Variants in MDGA1 observed in about 807,000 individuals in gnomAD.
MDGA1 encodes the protein MAM domain containing glycosylphosphatidylinositol anchor 1, also known as MAM domain-containing glycosylphosphatidylinositol anchor protein 1.
MDGA1 carries 54 observed loss-of-function variants against 101.5 expected under a neutral mutation model. The ratio of observed to expected loss-of-function variants is 0.53; its 90% CI spans 0.43 to 0.67. MDGA1 has a LOEUF of 0.67. Ranked by LOEUF, MDGA1 falls within the 30% of genes least tolerant of loss-of-function variation. The pLI, the probability that MDGA1 is intolerant of heterozygous loss-of-function variation, is 0.00. For synonymous variants in MDGA1, 533 were observed against 558.3 expected, an observed-to-expected ratio of 0.95 and a Z score of 0.64; for missense variants, 1,083 against 1,323.8, an observed-to-expected ratio of 0.82 and a Z score of 2.82.
At chr6:37,666,508 T>C (rs1761757712) in intron 1 of MDGA1, among the ~76,000 whole-genome samples, 1 of 152,152 alleles carries the variant, frequency 6.6e-6, no homozygotes, top group Non-Finnish European at 1.5e-5. Flanking sequence ...AAACGTCCCA[T>C]CAGTGACAGG....
rs943014802 is a variant in MDGA1, at chr6:37,658,371, T to C, written c.256A>G (p.Thr86Ala). ...AGSASDKFQE[T>A]SVFNETLRIE... is the part of the protein sequence containing the mutation. ...CGCAGCGTCTCGTTGAACACCGATG[T>C]CTCCTGGAACTTGTCCGAGGCGCTA... The change falls in exon 3 of 17, where the codon ACA becomes GCA. Residue 86 changes from threonine (T) to alanine (A), a missense_variant. By Grantham distance (58) the Thr-to-Ala change is moderately conservative. Transcript: ENST00000434837. 1.9e-6 allele frequency: 3 copies of C among 1,612,762 alleles called. No individual in the cohort carries two copies. Among genetic ancestry groups the C allele is most frequent in the African/African-American group, 2.7e-5 (2 of 74,928 alleles).
intron 1 of MDGA1, among the ~76,000 whole-genome samples, chr6:37,676,338 C>T (rs1053634013): frequency 3.9e-5 from 6 of 152,178 alleles, no homozygotes; most frequent in Admixed American, 2.0e-4. Context: ...AAGCAAGGAG[C>T]CCCCAAAGCA....
At chr6:37,661,960 G>A (rs190746698) in intron 2 of MDGA1, among the ~76,000 whole-genome samples, 13 of 150,456 alleles carry the variant, frequency 8.6e-5, no homozygotes, top group African/African-American at 3.2e-4. Context: ...GTCAAGACCA[G>A]CATAGGCAAC....
Position 37,652,141 on chromosome 6 carries a change from G to C in MDGA1, c.1182C>G (p.Pro394=), listed in dbSNP as rs375183901. The change falls in exon 7 of 17, where the codon CCC becomes CCG. Residue 394 remains proline (P), a synonymous_variant. Coordinates refer to ENST00000434837, the MANE Select transcript of MDGA1 (RefSeq NM_153487.4). The surrounding 1 kb of genome is among the most constrained non-coding windows in gnomAD (Gnocchi z 4.3). The stretch of plus-strand genomic sequence containing the variant: ...TGAGCTCTAGGCTGCTGGTGACTGC[G>C]GGCAGCTCAGGATCATTGCGGGTCA... ...LLVTRNDPEL[P]AVTSSLELID... is the part of the protein sequence containing the mutation. The C allele has an allele frequency of 1.9e-6, 3 of 1,613,876 alleles. No homozygotes were observed. Among genetic ancestry groups the C allele is most frequent in the Non-Finnish European group, 2.5e-6 (3 of 1,179,850 alleles).
chr6:37,668,927 A>C (rs2114064111), intron 1 of MDGA1, among the ~76,000 whole-genome samples: 1 of 152,178 alleles, frequency 6.6e-6, no homozygotes, highest in Middle Eastern at 3.4e-3. Context: ...AGTTCACTGC[A>C]ACCTCTGCCT....
chr6:37,681,231 C>T lies in MDGA1; in HGVS notation c.67+15514G>A, dbSNP rs187753235. ...GCTCACGATGGGGGATATTTTCACTCGCGGACTGCTAATAGACTCAGGAGA... is the reference window on the plus strand; with the variant it reads ...GCTCACGATGGGGGATATTTTCACTTGCGGACTGCTAATAGACTCAGGAGA... On this transcript the variant is annotated intron_variant, in intron 1 of 16. Coordinates refer to ENST00000434837, the MANE Select transcript of MDGA1 (RefSeq NM_153487.4). 2.3e-3 allele frequency among the ~76,000 whole-genome samples: 343 copies of T among 152,298 alleles called. 1 individual carries two copies. Among genetic ancestry groups the T allele is most frequent in the African/African-American group, 7.8e-3 (324 of 41,558 alleles).
intron 1 of MDGA1, among the ~76,000 whole-genome samples, chr6:37,668,771 G>T (rs753582089): frequency 1.3e-5 from 2 of 152,198 alleles, no homozygotes; most frequent in African/African-American, 4.8e-5. Flanking sequence ...GCCTAACACC[G>T]ATTGCCCTTG....
At chr6:37,650,008 T>G (rs1263250845) in intron 8 of MDGA1, 101 bp downstream of exon 8, 15 of 1,407,732 alleles carry the variant, frequency 1.1e-5, no homozygotes, top group Non-Finnish European at 1.2e-5. Context: ...GCTGGTGGGG[T>G]TTGGTTGGAC....
Position 37,652,441 on chromosome 6 carries a change from C to A in MDGA1, c.983-101G>T, listed in dbSNP as rs1447662063. 1.2e-6 allele frequency: 1 copy of A among 837,778 alleles called. No homozygotes were observed. Among genetic ancestry groups the A allele is most frequent in the East Asian group, 2.7e-5 (1 of 37,228 alleles). 51.9% of individuals were successfully genotyped at this position (837,778 alleles called of 1,614,324 possible). On this transcript the variant is annotated intron_variant, in intron 6 of 16. Transcript: ENST00000434837. This position sits in a 1 kb window ranked among gnomAD's most constrained non-coding sequence, Gnocchi z 4.3. ...CCCAGCTTCTCCCCTCTAGCTGGCCCTTCTGGGGATAGGGGGCTACAACTC... is the reference window on the plus strand; with the variant it reads ...CCCAGCTTCTCCCCTCTAGCTGGCCATTCTGGGGATAGGGGGCTACAACTC...
rs767635748 is a variant in MDGA1 at position 37,645,947 on chromosome 6, G to A, written c.2234C>T (p.Ser745Phe). ...GGGAGTCTCACCTGAAAGGTTCGGA[G>A]AGTTGATGGCTGAGAAAGCAAGCGG... ...RIIHYTEPIN[S>F]PNLSDNTCHF... The change falls in exon 12 of 17, where the codon TCT becomes TTT. Residue 745 changes from serine (S) to phenylalanine (F), a missense_variant. By Grantham distance (155) the Ser-to-Phe change is radical. Coordinates refer to ENST00000434837, the MANE Select transcript of MDGA1 (RefSeq NM_153487.4). The A allele has an allele frequency of 1.2e-6, 2 of 1,614,034 alleles. No homozygotes were observed. The highest frequency in any genetic ancestry group is 2.7e-5 in the African/African-American group (2 of 75,060).
At position 37,635,412 on chromosome 6, in the gene MDGA1, A is replaced by G. The variant is rs1763903931; in HGVS notation, c.*1956T>C. The G allele has an allele frequency of 2.5e-6, 1 of 398,502 alleles. No individual in the cohort carries two copies. Among genetic ancestry groups the G allele is most frequent in the Middle Eastern group, 6.3e-4 (1 of 1,588 alleles). 24.7% of individuals were successfully genotyped at this position (398,502 alleles called of 1,614,324 possible). On this transcript the variant is annotated 3_prime_UTR_variant, in exon 17 of 17. Coordinates refer to ENST00000434837, the MANE Select transcript of MDGA1 (RefSeq NM_153487.4). ...TGCACAGATGGGACAGTTAAGGAAC[A>G]ATACCCGACAGACGCGATGGAAGTG...
At chr6:37,650,034 G>A (rs1761319010) in intron 8 of MDGA1, 75 bp downstream of exon 8, 1 of 1,580,092 alleles carries the variant, frequency 6.3e-7, no homozygotes, top group African/African-American at 1.3e-5. Context: ...TGGGTGAGAG[G>A]ATGAAGAGGG....
chr6:37,642,594 C>T (rs893161881), intron 14 of MDGA1, among the ~76,000 whole-genome samples: 1 of 152,108 alleles, frequency 6.6e-6, no homozygotes, highest in Non-Finnish European at 1.5e-5. Flanking sequence ...CCTTTTGTAC[C>T]TTTTGGCCTT....
Position 37,669,262 on chromosome 6 carries a change from C to T in MDGA1, c.68-5156G>A, listed in dbSNP as rs145110211. 1.2e-3 allele frequency among the ~76,000 whole-genome samples: 188 copies of T among 152,308 alleles called. No homozygotes were observed. In the Middle Eastern group the frequency reaches 0.014, roughly 11 times the overall value. On this transcript the variant is annotated intron_variant, in intron 1 of 16. Transcript: ENST00000434837. ...GATACACAAAAACACATCAAGGTAT[C>T]TGCTTTGGACTTCACCATATTATAC...
At chr6:37,647,490 G>A (rs554104969) in intron 9 of MDGA1, among the ~76,000 whole-genome samples, 166 bp from the exon 10 acceptor site, 1 of 152,048 alleles carries the variant, frequency 6.6e-6, no homozygotes, top group Admixed American at 6.6e-5. Context: ...GGAGAAGAGG[G>A]GATTGGGGAA....
chr6:37,663,612 A>T (rs1761674952), intron 2 of MDGA1, among the ~76,000 whole-genome samples: 1 of 152,222 alleles, frequency 6.6e-6, no homozygotes, highest in Non-Finnish European at 1.5e-5. Context: ...CACAGGGAAA[A>T]CACTGGAGAA....
Position 37,658,352 on chromosome 6 carries a change from G to T in MDGA1, c.275C>A (p.Thr92Lys). ...KFQETSVFNE[T>K]LRIERIARTQ... is the part of the protein sequence containing the mutation. ...GCGTGCAATACGCTCGATGCGCAGC[G>T]TCTCGTTGAACACCGATGTCTCCTG... Residue 92 changes from threonine to lysine, a missense_variant, in exon 3 of 17, where the codon ACG (threonine) becomes AAG (lysine). Around this residue, in one of 3 missense-constraint regions of MDGA1, gnomAD observed 310 missense variants for 355.9 expected, o/e 0.87. Coordinates refer to ENST00000434837, the MANE Select transcript of MDGA1 (RefSeq NM_153487.4). 1 of 1,613,156 alleles carries T rather than the reference G, an allele frequency of 6.2e-7. No individual in the cohort carries two copies. Among genetic ancestry groups the T allele is most frequent in the Non-Finnish European group, 8.5e-7 (1 of 1,179,696 alleles).
At position 37,649,083 on chromosome 6, in the gene MDGA1, G is replaced by A. The variant is rs1387021978; in HGVS notation, c.1793C>T (p.Ala598Val). The A allele has an allele frequency of 2.6e-6, 4 of 1,526,116 alleles. No individual in the cohort carries two copies. The highest frequency in any genetic ancestry group is 3.5e-6 in the Non-Finnish European group (4 of 1,138,708). 94.5% of individuals were successfully genotyped at this position (1,526,116 alleles called of 1,614,324 possible). ...VPAAAEAPDH[A>V]ELRLDAVTRD... ...AGTTACGGCGTCGAGGCGCAGCTCC[G>A]CGTGATCCGGCGCCTCGGCGGCGGC... Residue 598 changes from alanine to valine, a missense_variant, in exon 9 of 17, where the codon GCG (alanine) becomes GTG (valine). By Grantham distance (64) the Ala-to-Val change is moderately conservative. This residue lies in a region of MDGA1 where 657 missense variants were observed against 771.4 expected (regional missense o/e 0.85). Transcript: ENST00000434837.
Position 37,646,282 on chromosome 6 carries a change from G to A in MDGA1, c.2140C>T (p.Pro714Ser), listed in dbSNP as rs766308775. Residue 714 changes from proline to serine, a missense_variant, in exon 11 of 17, where the codon CCC becomes TCC. Transcript: ENST00000434837. ...LEYILTDLRVPHSYEVRLTPY... is the reference protein window; with the variant it reads ...LEYILTDLRVSHSYEVRLTPY... Reference sequence around the variant, plus strand: ...GTGAGGCGGACCTCATAGCTGTGGGGCACACGGAGATCGGTCAGGATGTAC... The same window carrying A: ...GTGAGGCGGACCTCATAGCTGTGGGACACACGGAGATCGGTCAGGATGTAC... 2 of 1,604,374 alleles carry A rather than the reference G, an allele frequency of 1.2e-6. No homozygotes were observed. The highest frequency in any genetic ancestry group is 1.7e-6 in the Non-Finnish European group (2 of 1,175,146).
Sources: gnomAD v4.1 joint callset for allele counts (sites outside exome capture counted in the v4.1 genomes callset) on GRCh38, gnomAD v4.1.1 for gene constraint, gnomAD v4.1.1 regional missense constraint, Gnocchi (gnomAD v3.1) non-coding constraint, MANE v1.5 for transcripts, NCBI Gene and HGNC (gene_info 2026-07-23, HGNC 2026-07-21) for gene names.